The following SLC7A14 variants were observed in gnomAD, a reference collection of about 807,000 sequenced individuals.
The protein encoded by SLC7A14 is solute carrier family 7 member 14, also known as gamma-aminobutyric acid transporter SLC7A14.
SLC7A14 carries 37 observed loss-of-function variants against 60.2 expected under a neutral mutation model. That is an observed-to-expected ratio of 0.61 (90% CI 0.47 to 0.81). SLC7A14 has a LOEUF of 0.81. SLC7A14 is among the 30% of genes least tolerant of loss of function. The probability of loss-of-function intolerance (pLI) is 0.00; values close to 1 mark genes in which losing one functional copy is unlikely to be tolerated. For missense variants in SLC7A14, 886 were observed against 982.7 expected, an observed-to-expected ratio of 0.90 and a Z score of 1.32; for synonymous variants, 399 against 395.8, an observed-to-expected ratio of 1.01 and a Z score of -0.10.
intron 1 of SLC7A14, among the ~76,000 whole-genome samples, chr3:170,581,233 T>TA (rs1487977231): frequency 6.6e-6 from 1 of 152,202 alleles, no homozygotes; most frequent in African/African-American, 2.4e-5. Context: ...TGAGAATGGA[T>TA]AGAAGCTCAT....
chr3:170,493,749 A>G (rs1210389546), intron 4 of SLC7A14, among the ~76,000 whole-genome samples: 1 of 152,228 alleles, frequency 6.6e-6, no homozygotes, highest in Non-Finnish European at 1.5e-5. Flanking sequence ...AAGTGACCTG[A>G]AACCAAAGTT....
At chr3:170,498,614 G>A (rs1712485748) in intron 4 of SLC7A14, 53 bp downstream of exon 4, 4 of 1,555,928 alleles carry the variant, frequency 2.6e-6, no homozygotes, top group Admixed American at 1.7e-5. Context: ...GTTGGTCACA[G>A]GGTAGAAGGC....
chr3:170,558,292 C>T (rs1714543780), intron 1 of SLC7A14, among the ~76,000 whole-genome samples: 3 of 152,062 alleles, frequency 2.0e-5, no homozygotes, highest in African/African-American at 2.4e-5. Context: ...CGCTTGAACC[C>T]GGGAAGCAGA....
chr3:170,563,870 T>G (rs1714726990), intron 1 of SLC7A14, among the ~76,000 whole-genome samples: 1 of 152,236 alleles, frequency 6.6e-6, no homozygotes, highest in African/African-American at 2.4e-5. Context: ...TAGATTTATC[T>G]CTTCATCACA....
chr3:170,584,721 A>G (rs1017618887), intron 1 of SLC7A14, among the ~76,000 whole-genome samples: 2 of 152,184 alleles, frequency 1.3e-5, no homozygotes, highest in Non-Finnish European at 2.9e-5. Flanking sequence ...CACCGCGGAC[A>G]GCGCCATTCC....
Position 170,481,170 on chromosome 3 carries a change from G to C in SLC7A14, c.1116-4C>G, listed in dbSNP as rs368436663. On this transcript the variant is annotated splice_region_variant and splice_polypyrimidine_tract_variant and intron_variant, in intron 6 of 7. Transcript: ENST00000231706. ...GGAGCTGACGTGAGCCAGGAACCTG[G>C]AGGGGCCGGGCAAGCAGAGGGTTAA... 4.4e-4 allele frequency: 714 copies of C among 1,611,538 alleles called. No individual in the cohort carries two copies. The highest frequency in any genetic ancestry group is 2.5e-3 in the Middle Eastern group (15 of 6,016).
intron 1 of SLC7A14, among the ~76,000 whole-genome samples, chr3:170,583,132 T>C (rs1282307089): frequency 6.6e-6 from 1 of 152,224 alleles, no homozygotes; most frequent in African/African-American, 2.4e-5. Flanking sequence ...GGGCAGTTGC[T>C]TAGGGTAACC....
chr3:170,499,886 G>C, intron 3 of SLC7A14, among the ~76,000 whole-genome samples: 1 of 152,184 alleles, frequency 6.6e-6, no homozygotes, highest in Admixed American at 6.5e-5. Context: ...TAAAGTGAAG[G>C]ACATGAATGG....
At chr3:170,485,618 C>T (rs1181245240) in intron 5 of SLC7A14, among the ~76,000 whole-genome samples, 1 of 152,016 alleles carries the variant, frequency 6.6e-6, no homozygotes, top group Non-Finnish European at 1.5e-5. Context: ...GGGGCGTGAT[C>T]CTGAGGAAGA....
Position 170,490,959 on chromosome 3 carries a change from G to C in SLC7A14, c.760-4591C>G, listed in dbSNP as rs535729802. ...TACAATTCTAAGTTTTTCTAGAGCA[G>C]TTGACACCCAAGGGCACAAACTCCT... On this transcript the variant is annotated intron_variant, in intron 4 of 7. Coordinates refer to ENST00000231706, the MANE Select transcript of SLC7A14 (RefSeq NM_020949.3). 2.0e-5 allele frequency among the ~76,000 whole-genome samples: 3 copies of C among 152,222 alleles called. No individual in the cohort carries two copies. In the South Asian group the frequency reaches 6.2e-4, roughly 32 times the overall value.
intron 2 of SLC7A14, among the ~76,000 whole-genome samples, chr3:170,523,310 A>G (rs1218258814): frequency 1.3e-5 from 2 of 152,194 alleles, no homozygotes; most frequent in Non-Finnish European, 2.9e-5. Context: ...TGAAATCTTT[A>G]TTTCAAACAT....
rs1713722345 is a variant in SLC7A14 at position 170,532,891 on chromosome 3, G to A, written c.-152-5803C>T. Reference sequence around the variant, plus strand: ...TACCTTTCTCAAACTTGTGGAGAACGGCTTTCCTCTTTCCTGTTTTCCTTT... The same window carrying A: ...TACCTTTCTCAAACTTGTGGAGAACAGCTTTCCTCTTTCCTGTTTTCCTTT... On this transcript the variant is annotated intron_variant, in intron 1 of 7. Coordinates refer to ENST00000231706, the MANE Select transcript of SLC7A14 (RefSeq NM_020949.3). The surrounding 1 kb of genome is among the most constrained non-coding windows in gnomAD (Gnocchi z 4.0). Among the ~76,000 whole-genome samples, 1 of 152,136 alleles carries A rather than the reference G, an allele frequency of 6.6e-6. No individual in the cohort carries two copies. The highest frequency in any genetic ancestry group is 2.4e-5 in the African/African-American group (1 of 41,446).
chr3:170,554,259 C>A (rs973050603), intron 1 of SLC7A14, among the ~76,000 whole-genome samples: 2 of 152,192 alleles, frequency 1.3e-5, no homozygotes, highest in African/African-American at 4.8e-5. Flanking sequence ...ATTACATCTT[C>A]CACTGCACAG....
intron 4 of SLC7A14, chr3:170,496,742 ATGGCCTAAGCTCCAGCTT>A: frequency 1.3e-6 from 1 of 764,880 alleles, no homozygotes; most frequent in East Asian, 2.5e-5. Flanking sequence ...GGCCTCAGCT[ATGGCCTAAGCTCCAGCTT>A]TGGCTCTGTC....
intron 4 of SLC7A14, chr3:170,495,909 A>C (rs1406799760): frequency 1.4e-6 from 2 of 1,438,454 alleles, no homozygotes; most frequent in African/African-American, 2.8e-5. Context: ...GGAGAAGCTG[A>C]AGCTGGAGGC....
intron 2 of SLC7A14, 111 bp from the exon 3 acceptor site, chr3:170,501,456 T>C: frequency 1.1e-6 from 1 of 870,964 alleles, no homozygotes; most frequent in Non-Finnish European, 1.8e-6. Context: ...TCAGAACAAA[T>C]ACACAAAGTT....
intron 1 of SLC7A14, among the ~76,000 whole-genome samples, chr3:170,551,031 C>A (rs1333552356): frequency 7.2e-5 from 11 of 152,094 alleles, no homozygotes; most frequent in Non-Finnish European, 2.9e-5. Context: ...AAATCCCATA[C>A]CCATGAGCAG....
chr3:170,493,509 G>A lies in SLC7A14; in HGVS notation c.759+5158C>T, dbSNP rs567578355. 3.0e-4 allele frequency among the ~76,000 whole-genome samples: 45 copies of A among 152,304 alleles called. No individual in the cohort carries two copies. In the South Asian group the frequency reaches 9.3e-3, roughly 32 times the overall value. On this transcript the variant is annotated intron_variant, in intron 4 of 7. Transcript: ENST00000231706. Reference sequence around the variant, plus strand: ...CTACCTAAAGCAATTGAAGAATAAAGTGGGTTGGACCTCTGTACTAGTCCC... The same window carrying A: ...CTACCTAAAGCAATTGAAGAATAAAATGGGTTGGACCTCTGTACTAGTCCC...
At chr3:170,471,119 G>GTGTGTGTGTGTGTGTGTGTA (rs1197475580) in intron 7 of SLC7A14, among the ~76,000 whole-genome samples, 42 of 152,084 alleles carry the variant, frequency 2.8e-4, no homozygotes, top group African/African-American at 9.7e-4. Context: ...GTGTGTGTGT[G>GTGTGTGTGTGTGTGTGTGTA]TGAGTGATTA....
Sources: allele counts gnomAD v4.1 joint callset (sites outside exome capture counted in the v4.1 genomes callset), GRCh38; gene constraint gnomAD v4.1.1; non-coding constraint Gnocchi (gnomAD v3.1); transcripts MANE v1.5; gene names NCBI Gene and HGNC (gene_info 2026-07-23, HGNC 2026-07-21).